Variants in TMTC1 observed in about 807,000 individuals in gnomAD.
TMTC1 encodes protein O-mannosyl-transferase TMTC1.
In TMTC1, 73 loss-of-function variants were observed where a neutral mutation model predicts 104.8. The ratio of observed to expected loss-of-function variants is 0.70; its 90% CI spans 0.58 to 0.85. TMTC1 has a LOEUF of 0.85. Among genes scored for constraint, TMTC1 ranks in the 40% least tolerant of loss-of-function variants. TMTC1 has a pLI of 0.00. For synonymous variants in TMTC1, 434 were observed against 428.7 expected, an observed-to-expected ratio of 1.01 and a Z score of -0.15; for missense variants, 1,035 against 1,096.1, an observed-to-expected ratio of 0.94 and a Z score of 0.79.
chr12:29,520,581 A>G, intron 12 of TMTC1, 37 bp downstream of exon 12: 1 of 1,512,010 alleles, frequency 6.6e-7, no homozygotes, highest in Non-Finnish European at 9.1e-7. Flanking sequence ...TGTATTAGCT[A>G]ATCTCAGCAG....
At position 29,583,399 on chromosome 12, in the gene TMTC1, A is replaced by T. The variant is rs1413479502; in HGVS notation, c.1418+8T>A. On this transcript the variant is annotated splice_region_variant and intron_variant, in intron 8 of 17. Transcript: ENST00000539277. ...GGAAGATATTTATTTTTATCTGTCT[A>T]GTCATACCTGAATAGGGACTCTCTT... 6.2e-7 allele frequency: 1 copy of T among 1,613,378 alleles called. No homozygotes were observed. The highest frequency in any genetic ancestry group is 8.5e-7 in the Non-Finnish European group (1 of 1,179,582).
chr12:29,734,929 CTGTG>C, intron 5 of TMTC1, among the ~76,000 whole-genome samples: 1 of 152,290 alleles, frequency 6.6e-6, no homozygotes, highest in African/African-American at 2.4e-5. Context: ...CGTGCTGAAT[CTGTG>C]TGTGTGAACT....
chr12:29,722,979 T>G (rs1023688804), intron 5 of TMTC1, among the ~76,000 whole-genome samples: 4 of 149,390 alleles, frequency 2.7e-5, no homozygotes, highest in Admixed American at 2.7e-4. Context: ...AGTTTAGCAA[T>G]GTTGCTAAAT....
chr12:29,566,869 G>T (rs1007944146), intron 9 of TMTC1, among the ~76,000 whole-genome samples: 5 of 152,128 alleles, frequency 3.3e-5, no homozygotes, highest in Non-Finnish European at 5.9e-5. Flanking sequence ...ACTTATACAA[G>T]AAATCACAGC....
intron 7 of TMTC1, 55 bp from the exon 8 acceptor site, chr12:29,583,629 C>T: frequency 2.0e-6 from 3 of 1,485,956 alleles, no homozygotes; most frequent in African/African-American, 2.8e-5. Flanking sequence ...TAGCTTCCCC[C>T]CAGAATTATC....
chr12:29,737,271 C>A (rs991061860), intron 5 of TMTC1, among the ~76,000 whole-genome samples: 1 of 152,186 alleles, frequency 6.6e-6, no homozygotes, highest in Non-Finnish European at 1.5e-5. Context: ...GTAATCCCAG[C>A]ACTTTGGGAA....
At chr12:29,679,781 GAGGACTAGAGAGACCTC>G (rs1022689227) in intron 5 of TMTC1, among the ~76,000 whole-genome samples, 7 of 152,216 alleles carry the variant, frequency 4.6e-5, no homozygotes, top group African/African-American at 1.4e-4. Context: ...ACAGGATAGA[GAGGACTAGAGAGACCTC>G]AGGACTAGAG....
chr12:29,773,169 TC>T (rs946709621), intron 1 of TMTC1, among the ~76,000 whole-genome samples: 1 of 152,178 alleles, frequency 6.6e-6, no homozygotes, highest in Non-Finnish European at 1.5e-5. Flanking sequence ...CACTCTGCCT[TC>T]CTGTAAAACT....
chr12:29,620,799 C>T (rs1247212194), intron 6 of TMTC1, among the ~76,000 whole-genome samples: 1 of 152,158 alleles, frequency 6.6e-6, no homozygotes, highest in Non-Finnish European at 1.5e-5. Context: ...ACATTATCAG[C>T]ACAGGAAAAA....
At position 29,783,894 on chromosome 12, in the gene TMTC1, G is replaced by A. The variant is rs1223909357; in HGVS notation, c.-143C>T. On this transcript the variant is annotated 5_prime_UTR_variant, in exon 1 of 18. Transcript: ENST00000539277. The surrounding 1 kb of genome is among the most constrained non-coding windows in gnomAD (Gnocchi z 4.7). ...CAGCTGGACCCGCCGCGAGCTCCCC[G>A]CGCTCCGCCGCCGCCTGCGCCGCGG... 1.5e-5 allele frequency: 12 copies of A among 790,570 alleles called. No individual in the cohort carries two copies. In the South Asian group the frequency reaches 4.7e-4, roughly 31 times the overall value. The allele number at this position is 790,570 out of a possible 1,614,324, so 49.0% of individuals were successfully genotyped here.
chr12:29,707,142 G>GA (rs1941768231), intron 5 of TMTC1, among the ~76,000 whole-genome samples: 1 of 152,128 alleles, frequency 6.6e-6, no homozygotes, highest in Non-Finnish European at 1.5e-5. Flanking sequence ...TGGATGTCAA[G>GA]AGGTGGCTTG....
intron 2 of TMTC1, among the ~76,000 whole-genome samples, chr12:29,761,906 C>T (rs1217281568): frequency 2.0e-5 from 3 of 152,080 alleles, no homozygotes; most frequent in South Asian, 2.1e-4. Flanking sequence ...GGTGGTCGGA[C>T]GCAGTGGCTC....
chr12:29,611,417 A>T (rs188095126), intron 6 of TMTC1, among the ~76,000 whole-genome samples: 5 of 152,312 alleles, frequency 3.3e-5, no homozygotes, highest in Admixed American at 3.3e-4. Context: ...GTGTGTATTA[A>T]AATGTTTAAA....
At chr12:29,657,273 T>C (rs1474954313) in intron 5 of TMTC1, among the ~76,000 whole-genome samples, 4 of 152,188 alleles carry the variant, frequency 2.6e-5, no homozygotes, top group African/African-American at 9.7e-5. Flanking sequence ...CAAAGGTAGT[T>C]ATTTAAGGAG....
chr12:29,757,913 T>C (rs1464639546), intron 3 of TMTC1, among the ~76,000 whole-genome samples: 2 of 151,910 alleles, frequency 1.3e-5, no homozygotes, highest in Non-Finnish European at 2.9e-5. Flanking sequence ...ACCCCCATGA[T>C]TCAACTACCT....
In TMTC1 at chr12:29,695,603, C is replaced by A. The variant is rs186324901; in HGVS notation, c.938+56063G>T. Among the ~76,000 whole-genome samples the A allele has an allele frequency of 1.3e-3, 198 of 150,774 alleles. 1 individual carries two copies. In the South Asian group the frequency reaches 0.016, roughly 12 times the overall value. ...TACAGGCGTGAGCCACCGCGCCAGG[C>A]CACATCCACAGGTTTTAAGGATTTG... On this transcript the variant is annotated intron_variant, in intron 5 of 17. Coordinates refer to ENST00000539277, the MANE Select transcript of TMTC1 (RefSeq NM_001193451.2).
At chr12:29,619,662 A>G (rs1281875577) in intron 6 of TMTC1, among the ~76,000 whole-genome samples, 1 of 152,246 alleles carries the variant, frequency 6.6e-6, no homozygotes, top group African/African-American at 2.4e-5. Context: ...AAATACCACT[A>G]AAGCCATCCA....
At position 29,724,195 on chromosome 12, in the gene TMTC1, CAGTT is replaced by C. The variant is rs1254448384; in HGVS notation, c.938+27467_938+27470del. On this transcript the variant is annotated intron_variant, in intron 5 of 17. Transcript: ENST00000539277. Reference sequence around the variant, plus strand: ...AATTAGGGAAAAACAAATTACAACACAGTTAGAAAATATTTCATACACGACAAGT... The same window carrying C: ...AATTAGGGAAAAACAAATTACAACACAGAAAATATTTCATACACGACAAGT... Among the ~76,000 whole-genome samples, 5 of 152,122 alleles carry C rather than the reference CAGTT, an allele frequency of 3.3e-5. No individual in the cohort carries two copies. The East Asian group carries it at 5.8e-4, about 18-fold the overall frequency.
At chr12:29,552,441 T>C (rs1945130259) in intron 10 of TMTC1, among the ~76,000 whole-genome samples, 1 of 152,228 alleles carries the variant, frequency 6.6e-6, no homozygotes, top group African/African-American at 2.4e-5. Flanking sequence ...AAAATCTGGC[T>C]ACCTAAAAAA....
Sources: gnomAD v4.1 joint callset for allele counts (sites outside exome capture counted in the v4.1 genomes callset) on GRCh38, gnomAD v4.1.1 for gene constraint, Gnocchi (gnomAD v3.1) non-coding constraint, MANE v1.5 for transcripts, NCBI Gene and HGNC (gene_info 2026-07-23, HGNC 2026-07-21) for gene names.